Variants in SCAPER observed in about 807,000 individuals in gnomAD.
SCAPER encodes the protein S phase cyclin A-associated protein in the endoplasmic reticulum.
Under a neutral mutation model 182.2 loss-of-function variants are expected in SCAPER, and 98 were observed. The observed-to-expected ratio is 0.54, with a 90% confidence interval of 0.46 to 0.64. The LOEUF is 0.64. Ranked by LOEUF, SCAPER falls within the 30% of genes least tolerant of loss-of-function variation. The pLI, the probability that SCAPER is intolerant of heterozygous loss-of-function variation, is 0.00. For missense variants in SCAPER, 1,432 were observed against 1,690.0 expected (o/e 0.85, Z 2.68); for synonymous variants, 605 against 564.6 (o/e 1.07, Z -1.01).
rs1189403406 is a variant in SCAPER at position 76,765,371 on chromosome 15, T to A, written c.1579A>T (p.Met527Leu). 6.2e-7 allele frequency: 1 copy of A among 1,613,676 alleles called. No individual in the cohort carries two copies. The highest frequency in any genetic ancestry group is 2.2e-5 in the East Asian group (1 of 44,882). The change falls in exon 13 of 32, where the codon ATG becomes TTG. Residue 527 changes from methionine (M) to leucine (L), a missense_variant. Transcript: ENST00000563290. ...PARPPGHGIH[M>L]HEKLSSPSRK... ...GAGGGTGAAGAAAGTTTTTCATGCA[T>A]GTGAATTCCATGCCCTGGAGGTCTA...
At chr15:76,712,198 C>T (rs1267731629) in intron 17 of SCAPER, among the ~76,000 whole-genome samples, 1 of 152,114 alleles carries the variant, frequency 6.6e-6, no homozygotes, top group Admixed American at 6.5e-5. Context: ...ATAGGGAATC[C>T]TTTCCCCATT....
chr15:76,404,764 G>T, intron 26 of SCAPER, 85 bp from the exon 27 acceptor site: 1 of 1,347,252 alleles, frequency 7.4e-7, no homozygotes, highest in East Asian at 2.4e-5. Flanking sequence ...ACCATACACA[G>T]GCTTGGACCC....
chr15:76,459,974 G>A (rs777503952), intron 25 of SCAPER, among the ~76,000 whole-genome samples: 11 of 152,006 alleles, frequency 7.2e-5, no homozygotes, highest in Non-Finnish European at 1.3e-4. Flanking sequence ...AAAATCAGTT[G>A]GCTGCAAATA....
chr15:76,759,978 C>T (rs145283910), intron 14 of SCAPER, among the ~76,000 whole-genome samples: 46 of 152,230 alleles, frequency 3.0e-4, no homozygotes, highest in African/African-American at 9.6e-4. Flanking sequence ...CCTCATAATA[C>T]AAGTTTGGGA....
At chr15:76,572,913 TCTCTCTCA>T (rs1212281971) in intron 23 of SCAPER, among the ~76,000 whole-genome samples, 1 of 119,382 alleles carries the variant, frequency 8.4e-6, no homozygotes, top group African/African-American at 3.6e-5. Flanking sequence ...TCTCTCTCTC[TCTCTCTCA>T]CACACACACA....
intron 17 of SCAPER, 86 bp from the exon 18 acceptor site, chr15:76,706,070 G>C: frequency 9.9e-7 from 1 of 1,009,128 alleles, no homozygotes; most frequent in South Asian, 1.7e-5. Flanking sequence ...GGACACATAG[G>C]GTCATATAGT....
At chr15:76,765,243 G>T (rs2063039227) in intron 13 of SCAPER, 94 bp downstream of exon 13, 2 of 1,086,730 alleles carry the variant, frequency 1.8e-6, no homozygotes, top group Non-Finnish European at 2.7e-6. Flanking sequence ...GAAGTAATGT[G>T]TCCAAAAATG....
chr15:76,760,236 C>G (rs2151240421), intron 14 of SCAPER, among the ~76,000 whole-genome samples: 1 of 152,304 alleles, frequency 6.6e-6, no homozygotes, highest in South Asian at 2.1e-4. Flanking sequence ...CTGACCCATA[C>G]TTCTGACAAA....
At chr15:76,654,218 C>T (rs279998) in intron 21 of SCAPER, among the ~76,000 whole-genome samples, 148,596 of 152,210 alleles carry the variant, frequency 0.98, 72,635 homozygotes, top group East Asian at 1. Flanking sequence ...CTGGCTAACA[C>T]GGTAAAACTC....
At chr15:76,712,175 C>G (rs561412995) in intron 17 of SCAPER, among the ~76,000 whole-genome samples, 4 of 152,194 alleles carry the variant, frequency 2.6e-5, no homozygotes, top group Non-Finnish European at 5.9e-5. Flanking sequence ...GTTTTCCCAG[C>G]ACCTTTTATT....
At chr15:76,590,965 A>C (rs1248692651) in intron 22 of SCAPER, among the ~76,000 whole-genome samples, 2 of 152,346 alleles carry the variant, frequency 1.3e-5, no homozygotes, top group East Asian at 3.9e-4. Context: ...TCTTTCTTCT[A>C]AGTGGGAGCT....
chr15:76,357,189 C>CACA (rs1555410451), intron 29 of SCAPER, among the ~76,000 whole-genome samples: 2 of 146,372 alleles, frequency 1.4e-5, no homozygotes, highest in Non-Finnish European at 3.1e-5. Flanking sequence ...CACACACACA[C>CACA]CCCTATGGCC....
chr15:76,722,409 T>C (rs982678819), intron 17 of SCAPER, among the ~76,000 whole-genome samples: 4 of 152,120 alleles, frequency 2.6e-5, no homozygotes, highest in African/African-American at 9.7e-5. Flanking sequence ...GTGTCTCTCC[T>C]AGGCTTTGGT....
At chr15:76,754,745 T>C (rs1410430791) in intron 14 of SCAPER, among the ~76,000 whole-genome samples, 1 of 152,052 alleles carries the variant, frequency 6.6e-6, no homozygotes, top group Non-Finnish European at 1.5e-5. Flanking sequence ...TCCAAAAAAG[T>C]ATGATACAAA....
In SCAPER at chr15:76,612,393, T is replaced by C. The variant is rs573550527; in HGVS notation, c.2711+9371A>G. ...GCTGAACTACAGGTGAAAGCCACCA[T>C]GTCTGGCTAATTTTTTTGTATTTTT... On this transcript the variant is annotated intron_variant, in intron 22 of 31. Transcript: ENST00000563290. Among the ~76,000 whole-genome samples the C allele has an allele frequency of 7.2e-5, 11 of 152,210 alleles. No homozygotes were observed. In the East Asian group the frequency reaches 1.9e-3, roughly 27 times the overall value.
intron 29 of SCAPER, among the ~76,000 whole-genome samples, chr15:76,373,502 A>T (rs573563065): frequency 1.3e-4 from 20 of 152,204 alleles, no homozygotes; most frequent in South Asian, 1.0e-3. Context: ...TTTGTAAGAG[A>T]TCTGTGAACC....
Position 76,697,536 on chromosome 15 carries a change from G to GA in SCAPER, c.2508+4221dup, listed in dbSNP as rs1354276616. ...TTTTCTCACTGAAATAAAAACATGCGAAATTTATATTTCAGTTTACATAAT... is the reference window on the plus strand; with the variant it reads ...TTTTCTCACTGAAATAAAAACATGCGAAAATTTATATTTCAGTTTACATAAT... On this transcript the variant is annotated intron_variant, in intron 20 of 31. Transcript: ENST00000563290. Among the ~76,000 whole-genome samples the GA allele has an allele frequency of 8.5e-5, 13 of 152,152 alleles. 1 individual carries two copies. The highest frequency in any genetic ancestry group is 6.2e-4 in the South Asian group (3 of 4,814).
At chr15:76,714,481 C>T (rs2059772081) in intron 17 of SCAPER, among the ~76,000 whole-genome samples, 1 of 151,786 alleles carries the variant, frequency 6.6e-6, no homozygotes, top group Admixed American at 6.6e-5. Context: ...CATTCCTAGG[C>T]ATATACTAGA....
At chr15:76,591,591 A>G (rs562728893) in intron 22 of SCAPER, among the ~76,000 whole-genome samples, 1 of 152,202 alleles carries the variant, frequency 6.6e-6, no homozygotes, top group Admixed American at 6.5e-5. Flanking sequence ...CTTTCTGAGT[A>G]GCTGGGATTA....
Sources: allele counts gnomAD v4.1 joint callset (sites outside exome capture counted in the v4.1 genomes callset), GRCh38; gene constraint gnomAD v4.1.1; transcripts MANE v1.5; gene names NCBI Gene and HGNC (gene_info 2026-07-23, HGNC 2026-07-21).